Variants in CNNM2 observed in about 807,000 individuals in gnomAD.
The protein encoded by CNNM2 is cyclin and CBS domain divalent metal cation transport mediator 2.
A neutral mutation model predicts 66.9 loss-of-function variants in CNNM2; 12 were observed. The observed-to-expected ratio is 0.18, with a 90% confidence interval of 0.11 to 0.29. CNNM2 has a LOEUF of 0.29. Among genes scored for constraint, CNNM2 ranks in the 10% least tolerant of loss-of-function variants. The pLI, the probability that CNNM2 is intolerant of heterozygous loss-of-function variation, is 1.00. For synonymous variants in CNNM2, 557 were observed against 501.8 expected (o/e 1.11, Z -1.47); for missense variants, 705 against 1,167.7 (o/e 0.60, Z 5.77).
chr10:103,003,918 G>A (rs2064172568), intron 1 of CNNM2, among the ~76,000 whole-genome samples: 1 of 150,502 alleles, frequency 6.6e-6, no homozygotes, highest in Admixed American at 6.7e-5. Context: ...CTTTTACACA[G>A]CATTATATTT....
intron 1 of CNNM2, among the ~76,000 whole-genome samples, chr10:102,990,742 A>G (rs1432519077): frequency 6.6e-6 from 1 of 152,184 alleles, no homozygotes; most frequent in African/African-American, 2.4e-5. Flanking sequence ...TATTCTTTCC[A>G]TCCACTCTTG....
At position 103,077,067 on chromosome 10, in the gene CNNM2, C is replaced by T; in HGVS notation, c.2515C>T (p.Leu839Phe). 6.2e-7 allele frequency: 1 copy of T among 1,613,988 alleles called. No homozygotes were observed. Among genetic ancestry groups the T allele is most frequent in the Non-Finnish European group, 8.5e-7 (1 of 1,179,886 alleles). Residue 839 changes from leucine (L) to phenylalanine (F), a missense_variant, in exon 8 of 8, where the codon CTT becomes TTT. By Grantham distance (22) the Leu-to-Phe change is conservative (BLOSUM62 0). This residue lies in a region of CNNM2 where 194 missense variants were observed against 227.6 expected (regional missense o/e 0.85). Transcript: ENST00000369878. ...TGAAAACACTAAAATCGAATTGACTCTTACGGAGCTGCATGACGGGTTGCC... is the reference window on the plus strand; with the variant it reads ...TGAAAACACTAAAATCGAATTGACTTTTACGGAGCTGCATGACGGGTTGCC... ...DSENTKIELT[L>F]TELHDGLPDE...
At chr10:102,952,806 A>G (rs1191051844) in intron 1 of CNNM2, among the ~76,000 whole-genome samples, 1 of 152,146 alleles carries the variant, frequency 6.6e-6, no homozygotes, top group Non-Finnish European at 1.5e-5. Context: ...TCTTAAATAT[A>G]TCAATGCAAC....
chr10:103,062,333 C>T (rs1413122140), intron 4 of CNNM2, among the ~76,000 whole-genome samples: 2 of 152,184 alleles, frequency 1.3e-5, no homozygotes, highest in Non-Finnish European at 2.9e-5. Flanking sequence ...CTTCACCCTT[C>T]ACCTGATAGG....
intron 1 of CNNM2, among the ~76,000 whole-genome samples, chr10:102,962,362 T>C (rs892593697): frequency 6.6e-6 from 1 of 152,166 alleles, no homozygotes; most frequent in African/African-American, 2.4e-5. Flanking sequence ...AAAGAAACAT[T>C]CAGCATTGAC....
chr10:102,996,921 A>G, intron 1 of CNNM2, among the ~76,000 whole-genome samples: 1 of 152,044 alleles, frequency 6.6e-6, no homozygotes, highest in East Asian at 1.9e-4. Context: ...ATTCACTCAC[A>G]TCTCCAACCT....
At chr10:103,029,247 T>G (rs1244557806) in intron 1 of CNNM2, among the ~76,000 whole-genome samples, 1 of 146,774 alleles carries the variant, frequency 6.8e-6, no homozygotes, top group Admixed American at 6.8e-5. Flanking sequence ...GTGGATCACC[T>G]GGTCAGGAGT....
At chr10:103,040,124 A>G (rs1239588810) in intron 1 of CNNM2, among the ~76,000 whole-genome samples, 1 of 152,038 alleles carries the variant, frequency 6.6e-6, no homozygotes, top group Non-Finnish European at 1.5e-5. Context: ...CCAAGATTGT[A>G]CCACTGCAGT....
intron 1 of CNNM2, among the ~76,000 whole-genome samples, chr10:102,999,609 AC>A (rs1454657826): frequency 3.3e-5 from 5 of 152,078 alleles, no homozygotes; most frequent in Non-Finnish European, 7.3e-5. Flanking sequence ...TATCAGATCT[AC>A]CTATTTAATA....
At chr10:103,061,591 C>CA (rs1335271028) in intron 4 of CNNM2, among the ~76,000 whole-genome samples, 2 of 152,078 alleles carry the variant, frequency 1.3e-5, no homozygotes, top group Non-Finnish European at 2.9e-5. Context: ...AGTCAATCTT[C>CA]AAAAAACTCA....
intron 1 of CNNM2, among the ~76,000 whole-genome samples, chr10:103,025,340 C>T (rs1356943901): frequency 1.3e-5 from 2 of 152,216 alleles, no homozygotes; most frequent in South Asian, 4.1e-4. Flanking sequence ...CCACCCACCT[C>T]GGCCTCCCAA....
chr10:102,992,104 A>C (rs1006413096), intron 1 of CNNM2, among the ~76,000 whole-genome samples: 1 of 152,074 alleles, frequency 6.6e-6, no homozygotes, highest in African/African-American at 2.4e-5. Flanking sequence ...GGACAATTTG[A>C]GCAAATAATC....
chr10:103,032,882 C>T (rs2064856125), intron 1 of CNNM2, among the ~76,000 whole-genome samples: 1 of 151,422 alleles, frequency 6.6e-6, no homozygotes, highest in Non-Finnish European at 1.5e-5. Flanking sequence ...CTTTGGGAGG[C>T]TGAGGTGGAT....
Position 102,964,755 on chromosome 10 carries a change from G to C in CNNM2, c.1621+44654G>C, listed in dbSNP as rs537315159. ...TTCTCATCTTTAAAACACCTCCTAG[G>C]ATTCTTGTTAGGATTAAATGAAATA... On this transcript the variant is annotated intron_variant, in intron 1 of 7. Coordinates refer to ENST00000369878, the MANE Select transcript of CNNM2 (RefSeq NM_017649.5). Among the ~76,000 whole-genome samples, 38 of 152,234 alleles carry C rather than the reference G, an allele frequency of 2.5e-4. No homozygotes were observed. The South Asian group carries it at 7.9e-3, about 32-fold the overall frequency.
At chr10:102,949,191 T>G (rs1010497809) in intron 1 of CNNM2, among the ~76,000 whole-genome samples, 20 of 152,106 alleles carry the variant, frequency 1.3e-4, no homozygotes, top group Non-Finnish European at 2.8e-4. Flanking sequence ...TATTTATTTA[T>G]TTGAGGTGGA....
At chr10:102,953,232 G>A (rs1590301169) in intron 1 of CNNM2, among the ~76,000 whole-genome samples, 1 of 152,220 alleles carries the variant, frequency 6.6e-6, no homozygotes, top group South Asian at 2.1e-4. Context: ...CAATGGGAGA[G>A]TTTTCAGGTG....
At chr10:102,965,127 C>G (rs1293162046) in intron 1 of CNNM2, among the ~76,000 whole-genome samples, 1 of 152,190 alleles carries the variant, frequency 6.6e-6, no homozygotes, top group Non-Finnish European at 1.5e-5. Flanking sequence ...ATAAATTTCT[C>G]TTCTTTACAA....
chr10:103,032,913 T>C (rs2064856584), intron 1 of CNNM2, among the ~76,000 whole-genome samples: 2 of 151,432 alleles, frequency 1.3e-5, no homozygotes, highest in Non-Finnish European at 2.9e-5. Flanking sequence ...AGCTTAAGAG[T>C]TTGAGACCAG....
chr10:103,025,232 C>T (rs2064678807), intron 1 of CNNM2, among the ~76,000 whole-genome samples: 1 of 152,212 alleles, frequency 6.6e-6, no homozygotes, highest in African/African-American at 2.4e-5. Context: ...GCTGGGATTA[C>T]AGGCATGTGC....
Sources: allele counts gnomAD v4.1 joint callset (sites outside exome capture counted in the v4.1 genomes callset), GRCh38; gene constraint gnomAD v4.1.1; regional missense constraint gnomAD v4.1.1; transcripts MANE v1.5; gene names NCBI Gene and HGNC (gene_info 2026-07-23, HGNC 2026-07-21).